Variants in ANO5 observed in about 807,000 individuals in gnomAD.
ANO5 encodes anoctamin-5.
A neutral mutation model predicts 121.0 loss-of-function variants in ANO5; 109 were observed. The ratio of observed to expected loss-of-function variants is 0.90; its 90% CI spans 0.77 to 1.06. ANO5 has a LOEUF of 1.06. Ranked by LOEUF, ANO5 falls within the 50% of genes least tolerant of loss-of-function variation. The pLI is 0.00. For missense variants in ANO5, 1,064 were observed against 1,078.5 expected (o/e 0.99, Z 0.19); for synonymous variants, 406 against 359.9 (o/e 1.13, Z -1.45).
In ANO5 at chr11:22,236,286, G is replaced by C; in HGVS notation, c.762+10G>C. On this transcript the variant is annotated intron_variant, in intron 8 of 21. Transcript: ENST00000324559. Reference sequence around the variant, plus strand: ...CTATCCACTCCATGATGTATGTATAGGTTTGATTGTGAAAATCTGAGCTTA... The same window carrying C: ...CTATCCACTCCATGATGTATGTATACGTTTGATTGTGAAAATCTGAGCTTA... The C allele has an allele frequency of 6.3e-7, 1 of 1,590,230 alleles. No individual in the cohort carries two copies. Among genetic ancestry groups the C allele is most frequent in the South Asian group, 1.1e-5 (1 of 90,582 alleles).
At chr11:22,194,137 C>T (rs919403386) in intron 1 of ANO5, among the ~76,000 whole-genome samples, 20 of 152,296 alleles carry the variant, frequency 1.3e-4, no homozygotes, top group African/African-American at 4.6e-4. Flanking sequence ...CAACAGCTTT[C>T]ATTAAGCCCT....
chr11:22,280,378 C>CTT lies in ANO5; in HGVS notation c.*613_*614insTT, dbSNP rs1326810437. Reference sequence around the variant, plus strand: ...AGTTCTTCCTGGTAAAGGCAGAATTCCTTTTCTCGAGACTGAAATTTTGGG... The same window carrying CTT: ...AGTTCTTCCTGGTAAAGGCAGAATTCTTCTTTTCTCGAGACTGAAATTTTGGG... On this transcript the variant is annotated 3_prime_UTR_variant, in exon 22 of 22. Coordinates refer to ENST00000324559, the MANE Select transcript of ANO5 (RefSeq NM_213599.3). 1 of 151,594 alleles carries CTT rather than the reference C, an allele frequency of 6.6e-6. No individual in the cohort carries two copies. Among genetic ancestry groups the CTT allele is most frequent in the African/African-American group, 2.4e-5 (1 of 41,108 alleles). The allele number at this position is 151,594 out of a possible 1,614,324, so 9.4% of individuals were successfully genotyped here.
At position 22,279,897 on chromosome 11, in the gene ANO5, A is replaced by AAAG; in HGVS notation, c.*133_*135dup. 1.2e-6 allele frequency: 1 copy of AAAG among 816,744 alleles called. No individual in the cohort carries two copies. The highest frequency in any genetic ancestry group is 1.9e-6 in the Non-Finnish European group (1 of 526,300). The allele number at this position is 816,744 out of a possible 1,614,324, so 50.6% of individuals were successfully genotyped here. On this transcript the variant is annotated 3_prime_UTR_variant, in exon 22 of 22. Transcript: ENST00000324559. ...TTTTTTTCTTTTTTTTTTTAAACTC[A>AAAG]AAGTTTTTATACACTTTTATAGAGG...
chr11:22,227,679 G>A, intron 7 of ANO5, 93 bp downstream of exon 7: 1 of 1,492,714 alleles, frequency 6.7e-7, no homozygotes, highest in Non-Finnish European at 9.3e-7. Flanking sequence ...TACCATTTCT[G>A]CAAGGTGCTT....
chr11:22,200,685 A>G (rs192953081), intron 1 of ANO5, among the ~76,000 whole-genome samples: 7 of 152,290 alleles, frequency 4.6e-5, no homozygotes, highest in Admixed American at 4.6e-4. Context: ...TTTTTGCATC[A>G]CCAGTGCAAA....
intron 3 of ANO5, among the ~76,000 whole-genome samples, chr11:22,216,435 C>A (rs948109555): frequency 6.6e-6 from 1 of 151,624 alleles, no homozygotes; most frequent in African/African-American, 2.4e-5. Flanking sequence ...ATTCTCATTT[C>A]TTTTTTAAAT....
At chr11:22,236,330 C>A in intron 8 of ANO5, 54 bp downstream of exon 8, 1 of 1,371,696 alleles carries the variant, frequency 7.3e-7, no homozygotes, top group South Asian at 1.2e-5. Flanking sequence ...CTGCCATGTT[C>A]ATTACTGGGA....
chr11:22,255,558 C>T, intron 13 of ANO5, 36 bp downstream of exon 13: 1 of 1,606,012 alleles, frequency 6.2e-7, no homozygotes, highest in East Asian at 2.2e-5. Flanking sequence ...CAGCATATCT[C>T]AATGGACACA....
At chr11:22,258,222 TATAA>T (rs1189951964) in intron 14 of ANO5, among the ~76,000 whole-genome samples, 3 of 152,224 alleles carry the variant, frequency 2.0e-5, no homozygotes, top group Non-Finnish European at 4.4e-5. Flanking sequence ...CATGTTGAAA[TATAA>T]ATAATTGACA....
intron 1 of ANO5, among the ~76,000 whole-genome samples, chr11:22,196,666 C>T (rs931618026): frequency 1.9e-4 from 29 of 152,116 alleles, no homozygotes; most frequent in Admixed American, 1.4e-3. Context: ...GTCAAGAGAT[C>T]GAAACCATCC....
At position 22,227,285 on chromosome 11, in the gene ANO5, C is replaced by T. The variant is rs1371943496; in HGVS notation, c.364-17C>T. Reference sequence around the variant, plus strand: ...GATCAGTAAGCTTTCTGCTGTTTTGCCTTTTTTTTAATGCAGGACTCGGAA... The same window carrying T: ...GATCAGTAAGCTTTCTGCTGTTTTGTCTTTTTTTTAATGCAGGACTCGGAA... On this transcript the variant is annotated splice_polypyrimidine_tract_variant and intron_variant, in intron 6 of 21. Transcript: ENST00000324559. 3.1e-6 allele frequency: 5 copies of T among 1,602,646 alleles called. No homozygotes were observed. The highest frequency in any genetic ancestry group is 3.4e-5 in the Admixed American group (2 of 59,634).
chr11:22,238,876 C>T (rs973271240), intron 8 of ANO5, among the ~76,000 whole-genome samples: 5 of 152,020 alleles, frequency 3.3e-5, no homozygotes, highest in African/African-American at 7.2e-5. Flanking sequence ...ATATCTCCAA[C>T]GTGCTAAATT....
chr11:22,211,131 C>A, intron 2 of ANO5, 133 bp from the exon 3 acceptor site: 2 of 956,052 alleles, frequency 2.1e-6, no homozygotes, highest in Non-Finnish European at 3.4e-6. Flanking sequence ...CACAGTTTTG[C>A]ATATGATTTA....
rs547095480 is a variant in ANO5, at chr11:22,246,564, A to G, written c.879-3673A>G. ...ATAAAAGTTAAAATATTCTTAAAAT[A>G]GAAAGAATTTGCCTGTAATCTCAGC... is the stretch of plus-strand genomic sequence containing the variant. On this transcript the variant is annotated intron_variant, in intron 9 of 21. Transcript: ENST00000324559. Among the ~76,000 whole-genome samples, 6 of 152,140 alleles carry G rather than the reference A, an allele frequency of 3.9e-5. No individual in the cohort carries two copies. In the South Asian group the frequency reaches 6.2e-4, roughly 16 times the overall value.
intron 2 of ANO5, among the ~76,000 whole-genome samples, chr11:22,210,372 G>T (rs965152646): frequency 6.6e-6 from 1 of 151,830 alleles, no homozygotes; most frequent in African/African-American, 2.4e-5. Flanking sequence ...TTTCCAAGGT[G>T]CTCTTTGAGT....
chr11:22,262,320 G>C, intron 16 of ANO5, 22 bp downstream of exon 16: 3 of 1,611,244 alleles, frequency 1.9e-6, no homozygotes, highest in Non-Finnish European at 2.5e-6. Context: ...CTTGAGAGTT[G>C]AGGTGTGTAG....
rs1020496422 is a variant in ANO5, at chr11:22,281,861, A to G, written c.*2096A>G. 1 of 152,168 alleles carries G rather than the reference A, an allele frequency of 6.6e-6. No homozygotes were observed. The highest frequency in any genetic ancestry group is 2.4e-5 in the African/African-American group (1 of 41,458). The allele number at this position is 152,168 out of a possible 1,614,324, so 9.4% of individuals were successfully genotyped here. On this transcript the variant is annotated 3_prime_UTR_variant, in exon 22 of 22. Coordinates refer to ENST00000324559, the MANE Select transcript of ANO5 (RefSeq NM_213599.3). ...AGCAAGGGAAGAAATCGTTTTTAAG[A>G]TAAGTAAATAATTCCCATGGATTGA...
At chr11:22,269,048 GGAGA>G (rs1242667573) in intron 17 of ANO5, among the ~76,000 whole-genome samples, 8 of 150,348 alleles carry the variant, frequency 5.3e-5, no homozygotes, top group South Asian at 2.1e-4. Flanking sequence ...AAGGAGAGAG[GGAGA>G]GAGAGAGAAA....
At chr11:22,227,814 T>A (rs1852897277) in intron 7 of ANO5, among the ~76,000 whole-genome samples, 1 of 152,092 alleles carries the variant, frequency 6.6e-6, no homozygotes, top group Non-Finnish European at 1.5e-5. Flanking sequence ...GGTATGGATG[T>A]AGTAAAGAAA....
Sources: allele counts gnomAD v4.1 joint callset (sites outside exome capture counted in the v4.1 genomes callset), GRCh38; gene constraint gnomAD v4.1.1; transcripts MANE v1.5; gene names NCBI Gene and HGNC (gene_info 2026-07-23, HGNC 2026-07-21).